The following PDE3A variants were observed in gnomAD, a reference collection of about 807,000 sequenced individuals.
PDE3A encodes phosphodiesterase 3A.
In PDE3A, 43 loss-of-function variants were observed where a neutral mutation model predicts 98.3. The ratio of observed to expected loss-of-function variants is 0.44; its 90% CI spans 0.34 to 0.56. The LOEUF (loss-of-function observed/expected upper bound fraction) is 0.56. PDE3A is among the 20% of genes least tolerant of loss of function. The probability of loss-of-function intolerance (pLI) is 0.01; values close to 1 mark genes in which losing one functional copy is unlikely to be tolerated. For missense variants in PDE3A, 1,427 were observed against 1,440.7 expected, an observed-to-expected ratio of 0.99 and a Z score of 0.15; for synonymous variants, 663 against 567.9, an observed-to-expected ratio of 1.17 and a Z score of -2.38.
At chr12:20,608,045 A>G (rs1168239567) in intron 2 of PDE3A, among the ~76,000 whole-genome samples, 12 of 152,004 alleles carry the variant, frequency 7.9e-5, no homozygotes, top group East Asian at 1.9e-4. Flanking sequence ...GATTTAAAAA[A>G]CACTACCAAA....
chr12:20,644,010 A>C (rs1944710830), intron 10 of PDE3A, among the ~76,000 whole-genome samples: 1 of 151,658 alleles, frequency 6.6e-6, no homozygotes, highest in Admixed American at 6.6e-5. Context: ...CCCCCCATCC[A>C]CCTCCGTACT....
rs73071141 is a variant in PDE3A at position 20,471,267 on chromosome 12, T to C, written c.961-85393T>C. 1.7e-3 allele frequency among the ~76,000 whole-genome samples: 266 copies of C among 152,298 alleles called. 1 individual carries two copies. Among genetic ancestry groups the C allele is most frequent in the Non-Finnish European group, 2.9e-3 (195 of 68,012 alleles). ...AGCGCAACCAAATTTTTAATTTGTCTACAAGTGGTTTTCAGCCTTTTCTGC... is the reference window on the plus strand; with the variant it reads ...AGCGCAACCAAATTTTTAATTTGTCCACAAGTGGTTTTCAGCCTTTTCTGC... On this transcript the variant is annotated intron_variant, in intron 1 of 15. Transcript: ENST00000359062.
chr12:20,629,799 C>A, intron 5 of PDE3A, 109 bp from the exon 6 acceptor site: 1 of 802,258 alleles, frequency 1.2e-6, no homozygotes, highest in Non-Finnish European at 2.1e-6. Flanking sequence ...GTGACCTGAG[C>A]AGGCACGTGG....
chr12:20,670,592 A>C (rs557638377), intron 15 of PDE3A, among the ~76,000 whole-genome samples: 3 of 152,022 alleles, frequency 2.0e-5, no homozygotes, highest in African/African-American at 7.3e-5. Flanking sequence ...CTGCTCCTGA[A>C]TGACTACTGG....
intron 1 of PDE3A, among the ~76,000 whole-genome samples, chr12:20,549,478 T>G (rs1942141383): frequency 6.6e-6 from 1 of 151,724 alleles, no homozygotes. Flanking sequence ...GAAATGGAAG[T>G]TTAATGATAA....
At chr12:20,372,961 G>T (rs933855107) in intron 1 of PDE3A, among the ~76,000 whole-genome samples, 2 of 151,994 alleles carry the variant, frequency 1.3e-5, no homozygotes, top group African/African-American at 4.8e-5. Context: ...GTGACCCTCA[G>T]TTCCAAAAGT....
intron 1 of PDE3A, among the ~76,000 whole-genome samples, chr12:20,447,092 T>C (rs1944969482): frequency 6.6e-6 from 1 of 152,162 alleles, no homozygotes; most frequent in African/African-American, 2.4e-5. Context: ...ATCATTTCAC[T>C]TGCTCTTCAG....
intron 1 of PDE3A, among the ~76,000 whole-genome samples, 173 bp downstream of exon 1, chr12:20,370,417 T>G (rs570756413): frequency 0.015 from 2,220 of 149,894 alleles, 59 homozygotes; most frequent in African/African-American, 0.051. Context: ...TTGTTTTTTT[T>G]TTTTTGTTTT....
At chr12:20,639,219 A>G (rs1247438538) in intron 9 of PDE3A, among the ~76,000 whole-genome samples, 1 of 152,078 alleles carries the variant, frequency 6.6e-6, no homozygotes, top group African/African-American at 2.4e-5. Context: ...AATTGCTACA[A>G]AATATTTTCT....
intron 1 of PDE3A, among the ~76,000 whole-genome samples, chr12:20,478,632 T>A (rs1945570315): frequency 6.6e-6 from 1 of 152,248 alleles, no homozygotes. Context: ...AAATGTTTAC[T>A]GTAAATGTAA....
chr12:20,564,050 G>A (rs1942596171), intron 2 of PDE3A, among the ~76,000 whole-genome samples: 1 of 152,132 alleles, frequency 6.6e-6, no homozygotes, highest in South Asian at 2.1e-4. Context: ...TGCTGACAAT[G>A]TCCACAGCAC....
At chr12:20,574,986 C>A (rs1180059934) in intron 2 of PDE3A, among the ~76,000 whole-genome samples, 1 of 151,996 alleles carries the variant, frequency 6.6e-6, no homozygotes, top group Non-Finnish European at 1.5e-5. Context: ...ATGGAAATAT[C>A]TTCCTTCCAA....
At chr12:20,634,171 A>G (rs1016729851) in intron 7 of PDE3A, among the ~76,000 whole-genome samples, 1 of 152,196 alleles carries the variant, frequency 6.6e-6, no homozygotes, top group Non-Finnish European at 1.5e-5. Context: ...TTTATATAAT[A>G]TATAGAACTA....
In PDE3A at chr12:20,369,425, G is replaced by C. The variant is rs761332660; in HGVS notation, c.141G>C (p.Trp47Cys). 3 of 1,555,466 alleles carry C rather than the reference G, an allele frequency of 1.9e-6. No homozygotes were observed. In the South Asian group the frequency reaches 3.6e-5, roughly 18 times the overall value. ...GGGACTCGGGCTGCCGTGGCTGCTG[G>C]GGAGACCTGGTGCTGCAGCCGCTCC... is the stretch of plus-strand genomic sequence containing the variant. ...SPRDSGCRGC[W>C]GDLVLQPLRS... Residue 47 changes from tryptophan (W) to cysteine (C), a missense_variant, in exon 1 of 16, where the codon TGG becomes TGC. Trp to Cys is a radical substitution (Grantham distance 215). Around this residue, in one of 3 missense-constraint regions of PDE3A, gnomAD observed 1,012 missense variants for 886.5 expected, o/e 1.14. Transcript: ENST00000359062.
chr12:20,370,439 TTTCACACAGTAG>T (rs1438625339), intron 1 of PDE3A, among the ~76,000 whole-genome samples, 195 bp downstream of exon 1: 1 of 151,000 alleles, frequency 6.6e-6, no homozygotes, highest in Non-Finnish European at 1.5e-5. Context: ...TTGCCCTCTC[TTTCACACAGTAG>T]TTTTATAACC....
intron 5 of PDE3A, among the ~76,000 whole-genome samples, chr12:20,627,158 A>AAC (rs201443932): frequency 0.016 from 2,380 of 151,564 alleles, 78 homozygotes; most frequent in African/African-American, 0.054. Flanking sequence ...AAAAAAAAAA[A>AAC]AAAAAACTGT....
intron 4 of PDE3A, among the ~76,000 whole-genome samples, chr12:20,618,878 G>A (rs1205449443): frequency 6.6e-6 from 1 of 152,024 alleles, no homozygotes; most frequent in Non-Finnish European, 1.5e-5. Flanking sequence ...AGACTTTAAG[G>A]ACTTAGAATG....
At chr12:20,532,731 C>T (rs907823818) in intron 1 of PDE3A, among the ~76,000 whole-genome samples, 2 of 147,752 alleles carry the variant, frequency 1.4e-5, no homozygotes, top group Non-Finnish European at 3.0e-5. Flanking sequence ...CTCTGTCACC[C>T]AGGCTGGAGT....
intron 1 of PDE3A, among the ~76,000 whole-genome samples, chr12:20,455,333 G>T (rs1210619627): frequency 6.6e-6 from 1 of 151,974 alleles, no homozygotes; most frequent in African/African-American, 2.4e-5. Context: ...GTGAGTTTAG[G>T]TTCCTTACAG....
Sources: allele counts gnomAD v4.1 joint callset (sites outside exome capture counted in the v4.1 genomes callset), GRCh38; gene constraint gnomAD v4.1.1; regional missense constraint gnomAD v4.1.1; transcripts MANE v1.5; gene names NCBI Gene and HGNC (gene_info 2026-07-23, HGNC 2026-07-21).